FAM178B: variants seen among roughly 807,000 people sequenced by gnomAD.
FAM178B encodes protein FAM178B.
FAM178B carries 82 observed loss-of-function variants against 91.7 expected under a neutral mutation model. That is an observed-to-expected ratio of 0.89 (90% CI 0.75 to 1.07). The LOEUF is 1.07. Ranked by LOEUF, FAM178B falls within the 50% of genes least tolerant of loss-of-function variation. The pLI is 0.00. For missense variants in FAM178B, 769 were observed against 846.7 expected (o/e 0.91, Z 1.14); for synonymous variants, 368 against 359.4 (o/e 1.02, Z -0.27).
At chr2:96,986,134 C>A in intron 1 of FAM178B, 107 bp downstream of exon 1, 1 of 1,501,190 alleles carries the variant, frequency 6.7e-7, no homozygotes, top group Non-Finnish European at 8.8e-7. Context: ...GCGGCCGCAC[C>A]GGGGCTGACC....
At chr2:96,942,823 G>GAGAGTTCAAAA (rs1343334582) in intron 8 of FAM178B, among the ~76,000 whole-genome samples, 3 of 152,152 alleles carry the variant, frequency 2.0e-5, no homozygotes, top group African/African-American at 7.2e-5. Context: ...GAATAAAATT[G>GAGAGTTCAAAA]AGAGTTCAAA....
intron 5 of FAM178B, among the ~76,000 whole-genome samples, chr2:96,965,090 C>T (rs2082127606): frequency 6.6e-6 from 1 of 152,150 alleles, no homozygotes; most frequent in African/African-American, 2.4e-5. Context: ...ACCTCCACCT[C>T]CCGGGTTCAA....
chr2:96,931,517 G>C (rs893873320), intron 8 of FAM178B, among the ~76,000 whole-genome samples: 1 of 152,218 alleles, frequency 6.6e-6, no homozygotes, highest in Non-Finnish European at 1.5e-5. Flanking sequence ...TTCTGACACA[G>C]AGACAGAAAA....
At chr2:96,933,484 C>T (rs60912063) in intron 8 of FAM178B, among the ~76,000 whole-genome samples, 1,694 of 152,264 alleles carry the variant, frequency 0.011, 39 homozygotes, top group African/African-American at 0.039. Context: ...CTCCTGGCAC[C>T]TCTTACATGG....
At chr2:96,895,555 G>A (rs1183546208) in intron 13 of FAM178B, among the ~76,000 whole-genome samples, 1 of 152,250 alleles carries the variant, frequency 6.6e-6, no homozygotes, top group Non-Finnish European at 1.5e-5. Context: ...CCTGGGCCCA[G>A]CCCCAGCAAG....
chr2:96,970,578 T>TA (rs2082204036), intron 4 of FAM178B, 138 bp downstream of exon 4: 1 of 632,926 alleles, frequency 1.6e-6, no homozygotes. Flanking sequence ...ACCTGCCTGT[T>TA]ACTGATCAGA....
At chr2:96,927,933 G>C (rs1025578343) in intron 9 of FAM178B, among the ~76,000 whole-genome samples, 1 of 152,236 alleles carries the variant, frequency 6.6e-6, no homozygotes, top group South Asian at 2.1e-4. Context: ...GACGGTGTGC[G>C]ATTGCAGCTC....
chr2:96,921,286 G>A, intron 11 of FAM178B, 24 bp from the exon 12 acceptor site: 1 of 1,547,886 alleles, frequency 6.5e-7, no homozygotes, highest in Non-Finnish European at 8.7e-7. Context: ...GCACCCCATG[G>A]GCTACAGGAG....
intron 1 of FAM178B, among the ~76,000 whole-genome samples, chr2:96,975,749 T>A (rs943064367): frequency 6.6e-6 from 1 of 152,256 alleles, no homozygotes; most frequent in Non-Finnish European, 1.5e-5. Flanking sequence ...AAATGTACCA[T>A]AGAAAAACAT....
At position 96,911,583 on chromosome 2, in the gene FAM178B, C is replaced by T. The variant is rs528731347; in HGVS notation, c.1563-8876G>A. Among the ~76,000 whole-genome samples the T allele has an allele frequency of 5.9e-5, 9 of 152,188 alleles. 1 individual carries two copies. Among genetic ancestry groups the T allele is most frequent in the Admixed American group, 2.6e-4 (4 of 15,280 alleles). On this transcript the variant is annotated intron_variant, in intron 12 of 16. Coordinates refer to ENST00000490605, the MANE Select transcript of FAM178B (RefSeq NM_001122646.3). ...AAAGATTTTATGCACATCAGCAATG[C>T]GAACACATGAGCATCTGAAGGACGG...
At chr2:96,902,329 C>T (rs1205005879) in intron 13 of FAM178B, among the ~76,000 whole-genome samples, 1 of 152,134 alleles carries the variant, frequency 6.6e-6, no homozygotes, top group East Asian at 1.9e-4. Context: ...TGGTCTTGAT[C>T]TCCTGACCTC....
At chr2:96,971,821 G>T (rs2082222223) in intron 3 of FAM178B, 80 bp downstream of exon 3, 5 of 1,315,672 alleles carry the variant, frequency 3.8e-6, no homozygotes, top group Middle Eastern at 1.9e-4. Context: ...GCTCAGGAGA[G>T]GGTGGCCTGG....
intron 9 of FAM178B, among the ~76,000 whole-genome samples, chr2:96,928,652 CAG>C (rs2081487997): frequency 6.6e-6 from 1 of 152,150 alleles, no homozygotes; most frequent in South Asian, 2.1e-4. Context: ...TGGGTTTCAC[CAG>C]AGAGTGGGGG....
At chr2:96,916,252 G>A (rs1313064929) in intron 12 of FAM178B, among the ~76,000 whole-genome samples, 1 of 152,246 alleles carries the variant, frequency 6.6e-6, no homozygotes, top group Non-Finnish European at 1.5e-5. Context: ...GAGCAGGGAA[G>A]CATATGCCTG....
chr2:96,960,903 G>A (rs1376713481), intron 5 of FAM178B, among the ~76,000 whole-genome samples: 1 of 152,174 alleles, frequency 6.6e-6, no homozygotes, highest in Non-Finnish European at 1.5e-5. Flanking sequence ...CATCCTGGGA[G>A]GGGCAGGAAG....
chr2:96,967,051 C>G (rs1330060305), intron 5 of FAM178B, among the ~76,000 whole-genome samples: 1 of 152,170 alleles, frequency 6.6e-6, no homozygotes, highest in Non-Finnish European at 1.5e-5. Flanking sequence ...CTGGGCATCT[C>G]TGATGCTCCG....
chr2:96,885,104 T>A (rs1394168102), intron 14 of FAM178B, among the ~76,000 whole-genome samples: 1 of 152,050 alleles, frequency 6.6e-6, no homozygotes, highest in Non-Finnish European at 1.5e-5. Context: ...GGGGTGGGGG[T>A]GACCCAAACA....
At chr2:96,977,733 T>C in intron 1 of FAM178B, 1 of 429,678 alleles carries the variant, frequency 2.3e-6, no homozygotes, top group South Asian at 1.7e-5. Flanking sequence ...TCCTCCTTTT[T>C]AGATCAGTTT....
chr2:96,971,734 G>A (rs570209511), intron 3 of FAM178B, among the ~76,000 whole-genome samples, 167 bp downstream of exon 3: 3 of 152,348 alleles, frequency 2.0e-5, no homozygotes, highest in Non-Finnish European at 2.9e-5. Flanking sequence ...GGGGGCCTGC[G>A]CTTCCAGCCA....
Sources: gnomAD v4.1 joint callset for allele counts (sites outside exome capture counted in the v4.1 genomes callset) on GRCh38, gnomAD v4.1.1 for gene constraint, MANE v1.5 for transcripts, NCBI Gene and HGNC (gene_info 2026-07-23, HGNC 2026-07-21) for gene names.